The following FRMD4A variants were observed in gnomAD, a reference collection of about 807,000 sequenced individuals.
FRMD4A encodes FERM domain-containing protein 4A.
In FRMD4A, 29 loss-of-function variants were observed where a neutral mutation model predicts 129.1. That is an observed-to-expected ratio of 0.22 (90% CI 0.17 to 0.31). FRMD4A has a LOEUF of 0.31. Among genes scored for constraint, FRMD4A ranks in the 10% least tolerant of loss-of-function variants. The pLI, the probability that FRMD4A is intolerant of heterozygous loss-of-function variation, is 1.00. For synonymous variants in FRMD4A, 634 were observed against 571.6 expected, an observed-to-expected ratio of 1.11 and a Z score of -1.56; for missense variants, 1,272 against 1,375.8, an observed-to-expected ratio of 0.92 and a Z score of 1.19.
At position 13,644,484 on chromosome 10, in the gene FRMD4A, T is replaced by A. The variant is rs570273300; in HGVS notation, c.*2554A>T. ...CTCTGTCTTGACTACCAGACTATCA[T>A]GATGTTTGTTGGAACTGTAATTCCT... is the stretch of plus-strand genomic sequence containing the variant. On this transcript the variant is annotated 3_prime_UTR_variant, in exon 25 of 25. Coordinates refer to ENST00000357447, the MANE Select transcript of FRMD4A (RefSeq NM_018027.5). 6.6e-6 allele frequency: 1 copy of A among 152,226 alleles called. No homozygotes were observed. Among genetic ancestry groups the A allele is most frequent in the Non-Finnish European group, 1.5e-5 (1 of 68,036 alleles). The allele number at this position is 152,226 out of a possible 1,614,324, so 9.4% of individuals were successfully genotyped here.
At chr10:14,319,889 A>G (rs935006569) in intron 2 of FRMD4A, among the ~76,000 whole-genome samples, 5 of 152,182 alleles carry the variant, frequency 3.3e-5, no homozygotes, top group African/African-American at 1.2e-4. Context: ...TCTTATTCAA[A>G]TGGTATTTCC....
rs144923982 is a variant in FRMD4A at position 13,888,285 on chromosome 10, A to C, written c.46-29373T>G. The stretch of plus-strand genomic sequence containing the variant: ...CTCTGATTTTGCTATTGGAGGAAAA[A>C]CCCAAATATCTACATACCCTCCACA... On this transcript the variant is annotated intron_variant, in intron 2 of 24. Transcript: ENST00000357447. Among the ~76,000 whole-genome samples the C allele has an allele frequency of 6.9e-3, 1,049 of 152,214 alleles. 17 individuals are homozygous for C. Among genetic ancestry groups the C allele is most frequent in the African/African-American group, 0.024 (992 of 41,540 alleles).
chr10:13,979,417 A>T (rs918390422), intron 2 of FRMD4A, among the ~76,000 whole-genome samples: 1 of 152,172 alleles, frequency 6.6e-6, no homozygotes, highest in African/African-American at 2.4e-5. Context: ...TTTGGGAGAT[A>T]ATTAACACTT....
At chr10:13,788,064 T>G (rs1344954354) in intron 5 of FRMD4A, among the ~76,000 whole-genome samples, 3 of 152,168 alleles carry the variant, frequency 2.0e-5, no homozygotes, top group Admixed American at 1.3e-4. Context: ...AGGGTCTGCA[T>G]GGACAGTTCC....
At chr10:13,834,613 C>T (rs1040982273) in intron 3 of FRMD4A, among the ~76,000 whole-genome samples, 3 of 152,158 alleles carry the variant, frequency 2.0e-5, no homozygotes, top group African/African-American at 2.4e-5. Flanking sequence ...CTTCATCCCT[C>T]GGGGCAGAGG....
chr10:14,136,314 C>T (rs1280081829), intron 2 of FRMD4A, among the ~76,000 whole-genome samples: 2 of 152,184 alleles, frequency 1.3e-5, no homozygotes, highest in Non-Finnish European at 2.9e-5. Context: ...ATACCTCCCT[C>T]GCAATTTGCC....
At chr10:14,244,910 T>C (rs992110617) in intron 2 of FRMD4A, among the ~76,000 whole-genome samples, 6 of 152,220 alleles carry the variant, frequency 3.9e-5, no homozygotes, top group Admixed American at 3.3e-4. Flanking sequence ...GCTATAATGC[T>C]CTTTCTCCTC....
chr10:14,287,577 C>T (rs1380503417), intron 2 of FRMD4A, among the ~76,000 whole-genome samples: 2 of 152,100 alleles, frequency 1.3e-5, no homozygotes, highest in African/African-American at 4.8e-5. Flanking sequence ...GAGACTGCAC[C>T]CAACGACTTC....
chr10:14,129,403 TATATAAAA>T (rs1361459403), intron 2 of FRMD4A, among the ~76,000 whole-genome samples: 1 of 129,506 alleles, frequency 7.7e-6, no homozygotes, highest in Admixed American at 7.4e-5. Flanking sequence ...TATATATATA[TATATAAAA>T]AATATGAGCT....
intron 16 of FRMD4A, among the ~76,000 whole-genome samples, chr10:13,673,589 C>A (rs901181102): frequency 2.7e-5 from 4 of 147,308 alleles, no homozygotes; most frequent in African/African-American, 1.0e-4. Flanking sequence ...TGCGCGCGCG[C>A]ACACACACAC....
intron 2 of FRMD4A, among the ~76,000 whole-genome samples, chr10:14,183,777 G>C (rs868093432): frequency 4.6e-5 from 7 of 152,312 alleles, no homozygotes; most frequent in Middle Eastern, 3.4e-3. Context: ...AGACACTCAT[G>C]CCTGAGGTCA....
chr10:14,132,581 G>A (rs1373112826), intron 2 of FRMD4A, among the ~76,000 whole-genome samples: 1 of 152,224 alleles, frequency 6.6e-6, no homozygotes, highest in Non-Finnish European at 1.5e-5. Context: ...ATGGAAAGGG[G>A]AGGAGGAGGA....
Position 14,207,226 on chromosome 10 carries a change from T to G in FRMD4A, c.45+122832A>C, listed in dbSNP as rs1334895823. Among the ~76,000 whole-genome samples, 5 of 152,164 alleles carry G rather than the reference T, an allele frequency of 3.3e-5. No homozygotes were observed. In the East Asian group the frequency reaches 7.7e-4, roughly 23 times the overall value. ...ACAAAAGATGCTCATATTATTATGT[T>G]AAGTGTCTATATCAGTGGTCCCCAA... On this transcript the variant is annotated intron_variant, in intron 2 of 24. Transcript: ENST00000357447.
intron 2 of FRMD4A, among the ~76,000 whole-genome samples, chr10:14,207,869 CAGA>C (rs1461562508): frequency 1.3e-5 from 2 of 152,108 alleles, no homozygotes; most frequent in Admixed American, 6.5e-5. Flanking sequence ...CTTCTGTAAT[CAGA>C]AGAAGTCAGT....
intron 8 of FRMD4A, among the ~76,000 whole-genome samples, chr10:13,750,633 C>G (rs1200002376): frequency 6.6e-6 from 1 of 152,162 alleles, no homozygotes; most frequent in Non-Finnish European, 1.5e-5. Flanking sequence ...ATGGAAGCCA[C>G]ATGAACTGAA....
At chr10:13,732,394 C>T (rs2090375525) in intron 12 of FRMD4A, among the ~76,000 whole-genome samples, 1 of 152,140 alleles carries the variant, frequency 6.6e-6, no homozygotes, top group African/African-American at 2.4e-5. Flanking sequence ...CTGCTGAGCC[C>T]CTGTGAGTGT....
chr10:14,062,970 C>G (rs1392368699), intron 2 of FRMD4A, among the ~76,000 whole-genome samples: 1 of 152,294 alleles, frequency 6.6e-6, no homozygotes, highest in Middle Eastern at 3.4e-3. Context: ...GTGGTTTTGC[C>G]TATAGAGACA....
At chr10:14,162,188 T>C (rs1434793255) in intron 2 of FRMD4A, among the ~76,000 whole-genome samples, 1 of 152,142 alleles carries the variant, frequency 6.6e-6, no homozygotes, top group Non-Finnish European at 1.5e-5. Flanking sequence ...GGCAGACTGG[T>C]CACATTTCAA....
intron 6 of FRMD4A, among the ~76,000 whole-genome samples, chr10:13,774,786 A>G (rs891924547): frequency 6.6e-6 from 1 of 152,202 alleles, no homozygotes; most frequent in Non-Finnish European, 1.5e-5. Flanking sequence ...TACAGGAAAG[A>G]GAGACCAACA....
Sources: gnomAD v4.1 joint callset for allele counts (sites outside exome capture counted in the v4.1 genomes callset) on GRCh38, gnomAD v4.1.1 for gene constraint, MANE v1.5 for transcripts, NCBI Gene and HGNC (gene_info 2026-07-23, HGNC 2026-07-21) for gene names.